Variants in HECW1 observed in about 807,000 individuals in gnomAD.
HECW1 encodes HECT, C2 and WW domain containing E3 ubiquitin protein ligase 1.
In HECW1, 61 loss-of-function variants were observed where a neutral mutation model predicts 182.3. The observed-to-expected ratio is 0.33, with a 90% CI of 0.27 to 0.41. The LOEUF (loss-of-function observed/expected upper bound fraction) is 0.41. HECW1 is among the 10% of genes least tolerant of loss of function. The probability of loss-of-function intolerance (pLI) is 1.00; values close to 1 mark genes in which losing one functional copy is unlikely to be tolerated. For synonymous variants in HECW1, 859 were observed against 832.6 expected (o/e 1.03, Z -0.55); for missense variants, 1,739 against 2,108.9 (o/e 0.82, Z 3.44).
intron 2 of HECW1, among the ~76,000 whole-genome samples, chr7:43,132,761 A>G (rs1562580037): frequency 1.3e-5 from 2 of 149,458 alleles, no homozygotes; most frequent in Non-Finnish European, 3.0e-5. Flanking sequence ...CCTTCCTTCC[A>G]CTCTCCTGGT....
At position 43,421,296 on chromosome 7, in the gene HECW1, A is replaced by G. The variant is rs139930530; in HGVS notation, c.801+13565A>G. ...AACATACACAGTCTATTCCAAATCAATTGTACATTTAGATATGAAATTATA... is the reference window on the plus strand; with the variant it reads ...AACATACACAGTCTATTCCAAATCAGTTGTACATTTAGATATGAAATTATA... On this transcript the variant is annotated intron_variant, in intron 8 of 29. Transcript: ENST00000395891. Among the ~76,000 whole-genome samples, 6 of 152,332 alleles carry G rather than the reference A, an allele frequency of 3.9e-5. No homozygotes were observed. The East Asian group carries it at 1.2e-3, about 29-fold the overall frequency.
intron 6 of HECW1, among the ~76,000 whole-genome samples, chr7:43,381,604 C>A (rs1370657392): frequency 6.6e-6 from 1 of 151,488 alleles, no homozygotes; most frequent in Admixed American, 6.6e-5. Context: ...TGTCTCCTGT[C>A]TCGACCTCTC....
chr7:43,210,469 G>GTGTGTA (rs1554310121), intron 2 of HECW1, among the ~76,000 whole-genome samples: 3 of 151,388 alleles, frequency 2.0e-5, no homozygotes, highest in African/African-American at 4.9e-5. Context: ...GTGTGTGTGT[G>GTGTGTA]TGTGTGTGGT....
chr7:43,556,664 G>A (rs2082034922), intron 29 of HECW1, among the ~76,000 whole-genome samples: 2 of 151,624 alleles, frequency 1.3e-5, no homozygotes, highest in South Asian at 4.2e-4. Context: ...CTCCAGGCTG[G>A]GCAACAGAGT....
At chr7:43,439,163 A>C (rs2076800267) in intron 9 of HECW1, 1 of 152,190 alleles carries the variant, frequency 6.6e-6, no homozygotes, top group East Asian at 1.9e-4. Context: ...TACATAAAGA[A>C]CCTAGCACGG....
Position 43,557,734 on chromosome 7 carries a change from A to G in HECW1, c.4709+2944A>G, listed in dbSNP as rs184745537. 2.6e-3 allele frequency among the ~76,000 whole-genome samples: 397 copies of G among 152,342 alleles called. 1 individual carries two copies. The highest frequency in any genetic ancestry group is 9.1e-3 in the African/African-American group (377 of 41,576). ...CACTGATTTTCAAGCTTCTTAAACC[A>G]TAGTCCACAGAAAGAAATGCCTTTT... On this transcript the variant is annotated intron_variant, in intron 29 of 29. Transcript: ENST00000395891.
rs1359918009 is a variant in HECW1, at chr7:43,176,048, A to G, written c.-32+61657A>G. ...TGTTTTCTCAGCAAAATGTTTACCTATTTTGCAAGTACTACTTGAGGAGGA... is the reference window on the plus strand; with the variant it reads ...TGTTTTCTCAGCAAAATGTTTACCTGTTTTGCAAGTACTACTTGAGGAGGA... On this transcript the variant is annotated intron_variant, in intron 2 of 29. Coordinates refer to ENST00000395891, the MANE Select transcript of HECW1 (RefSeq NM_015052.5). Among the ~76,000 whole-genome samples, 3 of 152,172 alleles carry G rather than the reference A, an allele frequency of 2.0e-5. No individual in the cohort carries two copies. The East Asian group carries it at 5.8e-4, about 29-fold the overall frequency.
chr7:43,541,004 C>A (rs1404961383), intron 24 of HECW1, among the ~76,000 whole-genome samples, 159 bp from the exon 25 acceptor site: 3 of 152,196 alleles, frequency 2.0e-5, no homozygotes, highest in Non-Finnish European at 4.4e-5. Context: ...CATGGTAAAG[C>A]AAAAGGACAA....
intron 17 of HECW1, 127 bp downstream of exon 17, chr7:43,479,871 C>A: frequency 9.3e-7 from 1 of 1,078,070 alleles, no homozygotes; most frequent in Non-Finnish European, 1.4e-6. Flanking sequence ...AAGCCATATG[C>A]ACCCTGCTTT....
At chr7:43,325,981 A>T (rs973753138) in intron 5 of HECW1, among the ~76,000 whole-genome samples, 46 of 152,168 alleles carry the variant, frequency 3.0e-4, no homozygotes, top group Admixed American at 4.6e-4. Context: ...AAAATACCTT[A>T]CACTGGGGAA....
intron 6 of HECW1, among the ~76,000 whole-genome samples, chr7:43,378,103 AT>A (rs2074397911): frequency 6.6e-6 from 1 of 152,260 alleles, no homozygotes; most frequent in Admixed American, 6.5e-5. Flanking sequence ...TATAATATGT[AT>A]ATATGTGTGT....
At chr7:43,375,823 G>A (rs1339379289) in intron 6 of HECW1, among the ~76,000 whole-genome samples, 1 of 148,076 alleles carries the variant, frequency 6.8e-6, no homozygotes, top group Non-Finnish European at 1.5e-5. Flanking sequence ...AGCCCTGGAG[G>A]TCAAGGCTGC....
chr7:43,192,741 T>C (rs1794047300), intron 2 of HECW1, among the ~76,000 whole-genome samples: 1 of 152,232 alleles, frequency 6.6e-6, no homozygotes, highest in African/African-American at 2.4e-5. Flanking sequence ...TTTTAATAGA[T>C]ATCTTTCCCC....
rs979072392 is a variant in HECW1, at chr7:43,302,331, G to C, written c.28-9432G>C. Among the ~76,000 whole-genome samples, 14 of 152,348 alleles carry C rather than the reference G, an allele frequency of 9.2e-5. No individual in the cohort carries two copies. In the East Asian group the frequency reaches 2.5e-3, roughly 27 times the overall value. The stretch of plus-strand genomic sequence containing the variant: ...GGGCCCTGCTGCTCCCCTGCTGCGT[G>C]GTCAGGGCAGGCAGCTGCCCTTCTC... On this transcript the variant is annotated intron_variant, in intron 3 of 29. Coordinates refer to ENST00000395891, the MANE Select transcript of HECW1 (RefSeq NM_015052.5).
At chr7:43,145,744 A>T (rs1038508358) in intron 2 of HECW1, among the ~76,000 whole-genome samples, 4 of 152,176 alleles carry the variant, frequency 2.6e-5, no homozygotes, top group Admixed American at 1.3e-4. Context: ...TATCCAGAGG[A>T]TGGTTGTGAG....
At chr7:43,299,359 AG>A (rs1806451276) in intron 3 of HECW1, among the ~76,000 whole-genome samples, 1 of 152,196 alleles carries the variant, frequency 6.6e-6, no homozygotes, top group African/African-American at 2.4e-5. Context: ...GGTGTATCAG[AG>A]ACAAGCTTAG....
At chr7:43,306,791 A>G (rs1051450785) in intron 3 of HECW1, among the ~76,000 whole-genome samples, 2 of 152,236 alleles carry the variant, frequency 1.3e-5, no homozygotes, top group Non-Finnish European at 2.9e-5. Flanking sequence ...TCTTAAAAAA[A>G]AAATCCATGC....
In HECW1 at chr7:43,489,809, A is replaced by G. The variant is rs183683661; in HGVS notation, c.3235-2266A>G. On this transcript the variant is annotated intron_variant, in intron 17 of 29. Transcript: ENST00000395891. Reference sequence around the variant, plus strand: ...AAAATCAGCAATGCCTGTGTTTGTCATTAGGGATCGTTAAGTAATTTGCCC... The same window carrying G: ...AAAATCAGCAATGCCTGTGTTTGTCGTTAGGGATCGTTAAGTAATTTGCCC... 1.4e-4 allele frequency among the ~76,000 whole-genome samples: 21 copies of G among 152,318 alleles called. No individual in the cohort carries two copies. The East Asian group carries it at 4.1e-3, about 29-fold the overall frequency.
intron 3 of HECW1, among the ~76,000 whole-genome samples, chr7:43,305,599 T>G (rs1807441553): frequency 6.6e-6 from 1 of 151,872 alleles, no homozygotes; most frequent in Non-Finnish European, 1.5e-5. Flanking sequence ...TTGTTGTTGT[T>G]GTTGTTGTTG....
Sources: allele counts gnomAD v4.1 joint callset (sites outside exome capture counted in the v4.1 genomes callset), GRCh38; gene constraint gnomAD v4.1.1; transcripts MANE v1.5; gene names NCBI Gene and HGNC (gene_info 2026-07-23, HGNC 2026-07-21).